Variants in LCP2 observed in about 807,000 individuals in gnomAD.
LCP2 encodes the protein 76 kDa tyrosine phosphoprotein.
A neutral mutation model predicts 74.5 loss-of-function variants in LCP2; 29 were observed. That is an observed-to-expected ratio of 0.39 (90% confidence interval 0.29 to 0.53). LCP2 has a LOEUF of 0.53. LCP2 is among the 20% of genes least tolerant of loss of function. LCP2 has a pLI of 0.72. For missense variants in LCP2, 604 were observed against 634.6 expected (o/e 0.95, Z 0.52); for synonymous variants, 228 against 229.5 (o/e 0.99, Z 0.06).
intron 3 of LCP2, among the ~76,000 whole-genome samples, chr5:170,280,985 CAA>C (rs972723992): frequency 6.6e-6 from 1 of 152,086 alleles, no homozygotes; most frequent in Non-Finnish European, 1.5e-5. Flanking sequence ...GTCTGGGCAA[CAA>C]GAGTGAAACT....
chr5:170,287,231 T>C (rs1159553435), intron 3 of LCP2, among the ~76,000 whole-genome samples: 1 of 152,224 alleles, frequency 6.6e-6, no homozygotes, highest in Non-Finnish European at 1.5e-5. Flanking sequence ...TTTCTTATAA[T>C]GGAGAACTAT....
At position 170,294,618 on chromosome 5, in the gene LCP2, C is replaced by T. The variant is rs141262026; in HGVS notation, c.79-1246G>A. The stretch of plus-strand genomic sequence containing the variant: ...ATTTTTATCTTATAGCTAGCAAATC[C>T]AAAGAATAAATACAATTGTTATGAA... On this transcript the variant is annotated intron_variant, in intron 1 of 20. Transcript: ENST00000046794. 9.0e-3 allele frequency among the ~76,000 whole-genome samples: 1,366 copies of T among 152,236 alleles called. 61 individuals carry two copies. Among genetic ancestry groups the T allele is most frequent in the Admixed American group, 0.079 (1,206 of 15,294 alleles).
rs932190692 is a variant in LCP2 at position 170,256,860 on chromosome 5, T to C, written c.1101-285A>G. On this transcript the variant is annotated intron_variant, in intron 16 of 20. Coordinates refer to ENST00000046794, the MANE Select transcript of LCP2 (RefSeq NM_005565.5). This position sits in a 1 kb window ranked among gnomAD's most constrained non-coding sequence, Gnocchi z 4.5. The stretch of plus-strand genomic sequence containing the variant: ...CTTAACAGTTACTTTAAAAATTGGC[T>C]GCAACTTGAGCTCTTTGAGTTGGGA... 6.6e-6 allele frequency among the ~76,000 whole-genome samples: 1 copy of C among 152,216 alleles called. No individual in the cohort carries two copies. Among genetic ancestry groups the C allele is most frequent in the Non-Finnish European group, 1.5e-5 (1 of 68,042 alleles).
chr5:170,272,002 A>G (rs768136051), intron 6 of LCP2, among the ~76,000 whole-genome samples: 6 of 152,156 alleles, frequency 3.9e-5, no homozygotes, highest in Non-Finnish European at 7.3e-5. Context: ...CCCAACTCCA[A>G]AAAAAGACTT....
intron 3 of LCP2, among the ~76,000 whole-genome samples, chr5:170,278,561 C>A (rs1025886016): frequency 6.6e-6 from 1 of 151,118 alleles, no homozygotes; most frequent in Non-Finnish European, 1.5e-5. Context: ...TTAAAATGAT[C>A]AGGCCTCACT....
intron 3 of LCP2, among the ~76,000 whole-genome samples, chr5:170,281,302 C>G (rs746328296): frequency 2.0e-5 from 3 of 151,006 alleles, no homozygotes; most frequent in Non-Finnish European, 4.4e-5. Context: ...TTTTTTGAGA[C>G]GGAGTCTTGC....
At chr5:170,291,844 C>T (rs1435393351) in intron 2 of LCP2, among the ~76,000 whole-genome samples, 1 of 152,198 alleles carries the variant, frequency 6.6e-6, no homozygotes, top group Non-Finnish European at 1.5e-5. Flanking sequence ...GCTAATAGCA[C>T]CAGAATGAAA....
intron 3 of LCP2, among the ~76,000 whole-genome samples, chr5:170,282,080 C>T (rs1238308774): frequency 1.3e-5 from 2 of 152,128 alleles, no homozygotes; most frequent in African/African-American, 2.4e-5. Context: ...TCCACCTTTA[C>T]AATGTTGCAG....
intron 2 of LCP2, among the ~76,000 whole-genome samples, chr5:170,292,935 G>A (rs1762314488): frequency 6.6e-6 from 1 of 152,180 alleles, no homozygotes; most frequent in Non-Finnish European, 1.5e-5. Context: ...AAACAATGAG[G>A]GTGATGCCAT....
chr5:170,291,645 G>C (rs1360570949), intron 2 of LCP2, among the ~76,000 whole-genome samples: 1 of 152,208 alleles, frequency 6.6e-6, no homozygotes, highest in Non-Finnish European at 1.5e-5. Context: ...GGGAATTACA[G>C]AGCCGGGAGG....
Position 170,268,427 on chromosome 5 carries a change from CG to C in LCP2, c.578del (p.Pro193ArgfsTer43). On this transcript the variant is annotated frameshift_variant, in exon 8 of 21. Transcript: ENST00000046794. LOFTEE classifies it high-confidence loss of function. ...CTGGTGGGGGCGGGAGGGCGGCCAT[CG>C]GTCTCTGGGGGGGCACAGGAGGCTG... The part of the protein sequence containing the change: ...PQQPPVPPQR[P>X]MAALPPPPAG... The C allele has an allele frequency of 1.6e-6, 1 of 639,432 alleles. No individual in the cohort carries two copies. Among genetic ancestry groups the C allele is most frequent in the Non-Finnish European group, 2.0e-6 (1 of 489,018 alleles). The allele number at this position is 639,432 out of a possible 1,614,324, so 39.6% of individuals were successfully genotyped here. A position where few individuals can be genotyped will look rare whatever the true frequency, so the allele number is the denominator to read the frequency against.
At chr5:170,279,235 G>A (rs928777599) in intron 3 of LCP2, among the ~76,000 whole-genome samples, 2 of 152,170 alleles carry the variant, frequency 1.3e-5, no homozygotes, top group Non-Finnish European at 2.9e-5. Flanking sequence ...AGCCAGGCCC[G>A]TGTAGGAAGG....
chr5:170,294,525 A>G (rs529736491), intron 1 of LCP2, among the ~76,000 whole-genome samples: 19 of 152,314 alleles, frequency 1.2e-4, no homozygotes, highest in Admixed American at 1.2e-3. Flanking sequence ...TGAGGATCCT[A>G]GGTTCTTCTC....
intron 20 of LCP2, among the ~76,000 whole-genome samples, chr5:170,249,718 C>T (rs1285114854): frequency 6.6e-6 from 1 of 152,162 alleles, no homozygotes; most frequent in African/African-American, 2.4e-5. Context: ...GCCTGGATCG[C>T]CCCAGCCTTG....
chr5:170,278,922 C>A (rs988940248), intron 3 of LCP2, among the ~76,000 whole-genome samples: 3 of 143,152 alleles, frequency 2.1e-5, no homozygotes, highest in African/African-American at 8.4e-5. Flanking sequence ...ACCTTCCAAG[C>A]CTGTGGGACC....
intron 10 of LCP2, among the ~76,000 whole-genome samples, chr5:170,263,335 C>T (rs1483069084): frequency 6.6e-6 from 1 of 152,196 alleles, no homozygotes; most frequent in Non-Finnish European, 1.5e-5. Flanking sequence ...TTTTATGCCT[C>T]TTTAATTGGC....
At chr5:170,289,613 TTCTTTTTCTTTC>T (rs1470391293) in intron 2 of LCP2, among the ~76,000 whole-genome samples, 247 of 143,990 alleles carry the variant, frequency 1.7e-3, no homozygotes, top group African/African-American at 4.2e-3. Context: ...CTTTCTTTCT[TTCTTTTTCTTTC>T]TTTCTTTCTT....
At chr5:170,279,411 C>T (rs553313519) in intron 3 of LCP2, among the ~76,000 whole-genome samples, 27 of 152,194 alleles carry the variant, frequency 1.8e-4, no homozygotes, top group South Asian at 8.3e-4. Flanking sequence ...CCAAGGGTGG[C>T]GCCCACTGTG....
chr5:170,275,899 A>G (rs751151504), intron 3 of LCP2, 39 bp from the exon 4 acceptor site: 5 of 1,514,930 alleles, frequency 3.3e-6, no homozygotes, highest in African/African-American at 1.4e-5. Flanking sequence ...TAAAACCATC[A>G]CTCAGTCTCA....
Sources: allele counts gnomAD v4.1 joint callset (sites outside exome capture counted in the v4.1 genomes callset), GRCh38; gene constraint gnomAD v4.1.1; non-coding constraint Gnocchi (gnomAD v3.1); transcripts MANE v1.5; gene names NCBI Gene and HGNC (gene_info 2026-07-23, HGNC 2026-07-21).